PXDN: variants seen among roughly 807,000 people sequenced by gnomAD.
PXDN encodes peroxidasin.
In PXDN, 77 loss-of-function variants were observed where a neutral mutation model predicts 140.3. The observed-to-expected ratio is 0.55, with a 90% CI of 0.46 to 0.66. The LOEUF (loss-of-function observed/expected upper bound fraction) is 0.66. Ranked by LOEUF, PXDN falls within the 30% of genes least tolerant of loss-of-function variation. PXDN has a pLI of 0.00. For synonymous variants in PXDN, 911 were observed against 857.4 expected, an observed-to-expected ratio of 1.06 and a Z score of -1.09; for missense variants, 1,838 against 2,039.5, an observed-to-expected ratio of 0.90 and a Z score of 1.90.
rs1440485769 is a variant in PXDN at position 1,635,721 on chromosome 2, A to G, written c.4207-200T>C. 2.1e-5 allele frequency: 12 copies of G among 585,156 alleles called. No homozygotes were observed. In the East Asian group the frequency reaches 3.7e-4, roughly 18 times the overall value. The allele number at this position is 585,156 out of a possible 1,614,324, so 36.2% of individuals were successfully genotyped here. ...CTGACCACACGCCCCAATGGAAGAC[A>G]TTCCCACCACCGTGCTGTCAAATAA... On this transcript the variant is annotated intron_variant, in intron 21 of 22. Coordinates refer to ENST00000252804, the MANE Select transcript of PXDN (RefSeq NM_012293.3).
At chr2:1,711,489 T>TCC (rs1684778527) in intron 1 of PXDN, among the ~76,000 whole-genome samples, 2 of 112,842 alleles carry the variant, frequency 1.8e-5, no homozygotes, top group Non-Finnish European at 3.6e-5. Context: ...CAGCACCCGC[T>TCC]CCACCAGCAC....
chr2:1,649,659 G>T lies in PXDN; in HGVS notation c.2121C>A (p.Asp707Glu). ...DLNGTSYHYN[D>E]LVSPQYLNLI... ...GGTTCAGGTACTGTGGAGACACCAG[G>T]TCGTTGTAGTGGTAACCTGGGACGT... The change falls in exon 17 of 23, where the codon GAC becomes GAA. Residue 707 changes from aspartate (D) to glutamate (E), a missense_variant. By Grantham distance (45) the Asp-to-Glu change is conservative (BLOSUM62 2). This residue lies in a region of PXDN where 537 missense variants were observed against 583.9 expected (regional missense o/e 0.92). Coordinates refer to ENST00000252804, the MANE Select transcript of PXDN (RefSeq NM_012293.3). The surrounding 1 kb of genome is among the most constrained non-coding windows in gnomAD (Gnocchi z 7.1). The T allele has an allele frequency of 6.2e-7, 1 of 1,613,904 alleles. No individual in the cohort carries two copies. Among genetic ancestry groups the T allele is most frequent in the Non-Finnish European group, 8.5e-7 (1 of 1,179,874 alleles).
intron 1 of PXDN, among the ~76,000 whole-genome samples, chr2:1,710,571 C>T (rs1482016745): frequency 4.3e-5 from 6 of 138,860 alleles, no homozygotes; most frequent in African/African-American, 1.7e-4. Context: ...CCACCAGCAC[C>T]CTCTCCACTA....
chr2:1,709,300 C>T (rs1020393679), intron 1 of PXDN, among the ~76,000 whole-genome samples: 3 of 152,120 alleles, frequency 2.0e-5, no homozygotes, highest in Non-Finnish European at 4.4e-5. Context: ...GGAGGAGGCC[C>T]GGGAGTAGCT....
rs6742040 is a variant in PXDN at position 1,638,767 on chromosome 2, C to T, written c.4206+79G>A. 1,435,600 of 1,590,422 alleles carry T rather than the reference C, an allele frequency of 0.9. 650,259 individuals carry two copies. The highest frequency in any genetic ancestry group is 0.98 in the East Asian group (43,729 of 44,656). ...TGAACAGTTGCCTGGGAATAAAATG[C>T]TATACCCAGAAGGTTCGGGCAGGGC... is the stretch of plus-strand genomic sequence containing the variant. On this transcript the variant is annotated intron_variant, in intron 21 of 22. Transcript: ENST00000252804.
chr2:1,722,028 G>A (rs1685064890), intron 1 of PXDN, among the ~76,000 whole-genome samples: 1 of 152,134 alleles, frequency 6.6e-6, no homozygotes, highest in Non-Finnish European at 1.5e-5. Context: ...ATGAGGAAAC[G>A]CTTTTTAAAG....
intron 15 of PXDN, chr2:1,654,037 A>G (rs1258682814): frequency 5.8e-6 from 3 of 517,386 alleles, no homozygotes; most frequent in Non-Finnish European, 1.0e-5. Context: ...TGCATTTCAC[A>G]TAAGATGCAG....
In PXDN at chr2:1,676,995, C is replaced by T. The variant is rs758973885; in HGVS notation, c.780G>A (p.Gly260=). The stretch of plus-strand genomic sequence containing the variant: ...CTCTGCAGGTGAAGTACACGGTGTT[C>T]CCCGAGGTCACATCTGCGTCCTGGG... The part of the protein sequence containing the change: ...SEPQDADVTS[G]NTVYFTCRAE... The change falls in exon 8 of 23, where the codon GGG becomes GGA. Residue 260 remains glycine (G), a synonymous_variant. Transcript: ENST00000252804. 2 of 1,612,716 alleles carry T rather than the reference C, an allele frequency of 1.2e-6. No homozygotes were observed. The highest frequency in any genetic ancestry group is 8.5e-7 in the Non-Finnish European group (1 of 1,179,470).
chr2:1,681,714 C>G (rs1412807799), intron 6 of PXDN, among the ~76,000 whole-genome samples: 1 of 152,228 alleles, frequency 6.6e-6, no homozygotes, highest in Non-Finnish European at 1.5e-5. Flanking sequence ...GTGAGGGGGA[C>G]AGTGTCAGCC....
chr2:1,712,945 G>A (rs980641132), intron 1 of PXDN, among the ~76,000 whole-genome samples: 3 of 152,176 alleles, frequency 2.0e-5, no homozygotes, highest in Admixed American at 6.5e-5. Context: ...GGCTGGTCTC[G>A]AACTCCTGAT....
intron 1 of PXDN, among the ~76,000 whole-genome samples, chr2:1,709,109 G>A (rs558491555): frequency 4.5e-4 from 68 of 152,278 alleles, no homozygotes; most frequent in Admixed American, 1.9e-3. Flanking sequence ...GATCCCACCC[G>A]TGGAACTGCA....
Position 1,634,292 on chromosome 2 carries a change from C to G in PXDN, c.4352G>C (p.Cys1451Ser). The change falls in exon 23 of 23, where the codon TGC becomes TCC. Residue 1451 changes from cysteine (C) to serine (S), a missense_variant. Cys to Ser is a moderately radical substitution (Grantham distance 112). Around this residue, in one of 5 missense-constraint regions of PXDN, gnomAD observed 850 missense variants for 894.1 expected, o/e 0.95. Transcript: ENST00000252804. ...GGGGACAGCACAGGTGGCAGGGGGG[C>G]AAGCTTCCACGAAGCAGGTGACCTG... ...DGQVTCFVEACPPATCAVPVN... is the reference protein window; with the variant it reads ...DGQVTCFVEASPPATCAVPVN... The G allele has an allele frequency of 6.2e-7, 1 of 1,602,586 alleles. No individual in the cohort carries two copies. The highest frequency in any genetic ancestry group is 2.2e-5 in the East Asian group (1 of 44,476).
intron 6 of PXDN, among the ~76,000 whole-genome samples, chr2:1,681,833 G>A (rs72763570): frequency 0.11 from 17,473 of 152,216 alleles, 1,085 homozygotes; most frequent in Middle Eastern, 0.13. Context: ...CTGGCCAGTC[G>A]GTCCTGGTGG....
At chr2:1,679,205 G>C (rs771619497) in intron 7 of PXDN, among the ~76,000 whole-genome samples, 8 of 149,286 alleles carry the variant, frequency 5.4e-5, no homozygotes, top group African/African-American at 1.2e-4. Context: ...TGTGTGGTTT[G>C]TGTCTGCATG....
In PXDN at chr2:1,649,236, G is replaced by C; in HGVS notation, c.2544C>G (p.Ser848Arg). Reference sequence around the variant, plus strand: ...AGGGGGGGTCGTTGCTGCACACGTTGCTGCAGTGCTGTCCGTCGGAGAAGC... The same window carrying C: ...AGGGGGGGTCGTTGCTGCACACGTTCCTGCAGTGCTGTCCGTCGGAGAAGC... Reference protein sequence around the residue: ...QARFSDGQHCSNVCSNDPPCF... With the variant: ...QARFSDGQHCRNVCSNDPPCF... The change falls in exon 17 of 23, where the codon AGC becomes AGG. Residue 848 changes from serine to arginine, a missense_variant. This residue lies in a region of PXDN where 850 missense variants were observed against 894.1 expected (regional missense o/e 0.95). Coordinates refer to ENST00000252804, the MANE Select transcript of PXDN (RefSeq NM_012293.3). The surrounding 1 kb of genome is among the most constrained non-coding windows in gnomAD (Gnocchi z 7.1). 1 of 1,613,144 alleles carries C rather than the reference G, an allele frequency of 6.2e-7. No homozygotes were observed. The highest frequency in any genetic ancestry group is 1.3e-5 in the African/African-American group (1 of 75,054).
chr2:1,724,611 A>AGAC (rs1685134225), intron 1 of PXDN, among the ~76,000 whole-genome samples: 1 of 152,168 alleles, frequency 6.6e-6, no homozygotes, highest in African/African-American at 2.4e-5. Flanking sequence ...TCCTACAAAG[A>AGAC]GACGACCCTT....
intron 1 of PXDN, among the ~76,000 whole-genome samples, chr2:1,730,115 C>G (rs1685279260): frequency 6.6e-6 from 1 of 152,202 alleles, no homozygotes; most frequent in African/African-American, 2.4e-5. Context: ...CATCTGAGAA[C>G]AAAGCCCAGC....
intron 2 of PXDN, among the ~76,000 whole-genome samples, 191 bp from the exon 3 acceptor site, chr2:1,692,190 G>A (rs139262184): frequency 1.3e-5 from 2 of 152,362 alleles, no homozygotes; most frequent in East Asian, 3.9e-4. Context: ...TGAAGAAAAC[G>A]TTGCTGAGCA....
At chr2:1,700,861 C>T (rs573863398) in intron 1 of PXDN, among the ~76,000 whole-genome samples, 3 of 151,518 alleles carry the variant, frequency 2.0e-5, no homozygotes, top group Admixed American at 6.6e-5. Context: ...GGCGACACAG[C>T]GAGACTCTGT....
Sources: allele counts gnomAD v4.1 joint callset (sites outside exome capture counted in the v4.1 genomes callset), GRCh38; gene constraint gnomAD v4.1.1; regional missense constraint gnomAD v4.1.1; non-coding constraint Gnocchi (gnomAD v3.1); transcripts MANE v1.5; gene names NCBI Gene and HGNC (gene_info 2026-07-23, HGNC 2026-07-21).